MGAT4C: variants seen among roughly 807,000 people sequenced by gnomAD.
MGAT4C encodes alpha-1,3-mannosyl-glycoprotein 4-beta-N-acetylglucosaminyltransferase C.
In MGAT4C, 19 loss-of-function variants were observed where a neutral mutation model predicts 40.1. The ratio of observed to expected loss-of-function variants is 0.47; its 90% CI spans 0.33 to 0.70. The LOEUF (loss-of-function observed/expected upper bound fraction) is 0.70, where lower values mean the gene tolerates loss of function less well. Among genes scored for constraint, MGAT4C ranks in the 30% least tolerant of loss-of-function variants. MGAT4C has a pLI of 0.02. For missense variants in MGAT4C, 491 were observed against 563.2 expected (o/e 0.87, Z 1.30); for synonymous variants, 181 against 187.1 (o/e 0.97, Z 0.27).
chr12:86,566,630 A>G (rs1960135071), intron 2 of MGAT4C, among the ~76,000 whole-genome samples: 1 of 142,354 alleles, frequency 7.0e-6, no homozygotes, highest in South Asian at 2.2e-4. Flanking sequence ...GTATATATGT[A>G]TTATATATAC....
At chr12:86,494,594 A>G (rs1958204384) in intron 2 of MGAT4C, among the ~76,000 whole-genome samples, 1 of 151,872 alleles carries the variant, frequency 6.6e-6, no homozygotes, top group Non-Finnish European at 1.5e-5. Flanking sequence ...AAATGATGCA[A>G]GAAACCCCAC....
chr12:86,814,772 G>C (rs1952567929), intron 1 of MGAT4C, among the ~76,000 whole-genome samples: 1 of 151,852 alleles, frequency 6.6e-6, no homozygotes, highest in Non-Finnish European at 1.5e-5. Context: ...GCCCCAGAGA[G>C]CCACCTTACC....
At chr12:86,167,304 TC>T (rs1408607271) in intron 1 of MGAT4C, among the ~76,000 whole-genome samples, 1 of 152,232 alleles carries the variant, frequency 6.6e-6, no homozygotes, top group African/African-American at 2.4e-5. Flanking sequence ...AGAAATTATT[TC>T]TTCTTTTTCA....
At chr12:86,393,997 T>A (rs919488394) in intron 3 of MGAT4C, among the ~76,000 whole-genome samples, 2 of 152,184 alleles carry the variant, frequency 1.3e-5, no homozygotes, top group Admixed American at 1.3e-4. Flanking sequence ...AATGATTTTT[T>A]CTTCCTAGTA....
At chr12:86,683,323 T>C (rs990292422) in intron 2 of MGAT4C, among the ~76,000 whole-genome samples, 1 of 152,206 alleles carries the variant, frequency 6.6e-6, no homozygotes, top group Admixed American at 6.5e-5. Context: ...ATCTATCATC[T>C]ATTTACTTTT....
chr12:86,415,631 T>C (rs1956694533), intron 3 of MGAT4C, among the ~76,000 whole-genome samples: 1 of 152,018 alleles, frequency 6.6e-6, no homozygotes, highest in Non-Finnish European at 1.5e-5. Context: ...TATCCCAGTA[T>C]TTGAATTTTA....
At chr12:86,103,727 A>T (rs73175652) in intron 1 of MGAT4C, among the ~76,000 whole-genome samples, 12,223 of 152,132 alleles carry the variant, frequency 0.08, 504 homozygotes, top group Middle Eastern at 0.11. Flanking sequence ...AAGGGAGAGG[A>T]CATCTGACCC....
intron 1 of MGAT4C, among the ~76,000 whole-genome samples, chr12:86,163,814 T>C (rs1225212718): frequency 6.6e-6 from 1 of 152,190 alleles, no homozygotes; most frequent in African/African-American, 2.4e-5. Flanking sequence ...TTCCATAATT[T>C]TCATCTATCA....
intron 1 of MGAT4C, among the ~76,000 whole-genome samples, chr12:86,195,903 C>T (rs969868189): frequency 2.0e-5 from 3 of 152,110 alleles, no homozygotes; most frequent in Non-Finnish European, 2.9e-5. Flanking sequence ...TTTCCCCAGT[C>T]TGCCTGTTTC....
chr12:86,426,964 AAG>A (rs368757199), intron 3 of MGAT4C, among the ~76,000 whole-genome samples: 3 of 151,130 alleles, frequency 2.0e-5, no homozygotes, highest in South Asian at 2.1e-4. Flanking sequence ...GAAAAAGAAG[AAG>A]AGAGAGAGAG....
intron 2 of MGAT4C, among the ~76,000 whole-genome samples, chr12:86,017,436 A>G (rs1037479485): frequency 1.4e-4 from 22 of 152,210 alleles, no homozygotes; most frequent in African/African-American, 5.3e-4. Context: ...AAGGAACCAT[A>G]CATTTCTCTT....
At chr12:86,833,646 T>C (rs768851318) in intron 1 of MGAT4C, among the ~76,000 whole-genome samples, 33 of 151,938 alleles carry the variant, frequency 2.2e-4, no homozygotes, top group Non-Finnish European at 4.0e-4. Flanking sequence ...AATTCCCTCA[T>C]TAATGAACCC....
intron 2 of MGAT4C, among the ~76,000 whole-genome samples, chr12:86,030,852 T>A (rs1368662854): frequency 1.3e-5 from 2 of 151,798 alleles, no homozygotes; most frequent in Non-Finnish European, 2.9e-5. Context: ...AGTGACCGAT[T>A]TAATTTGTTA....
intron 1 of MGAT4C, among the ~76,000 whole-genome samples, chr12:86,808,077 CTAAGAA>C (rs1952397091): frequency 2.0e-5 from 3 of 151,928 alleles, no homozygotes; most frequent in Non-Finnish European, 4.4e-5. Context: ...CAAGGCTGAA[CTAAGAA>C]TAAGTTAAAG....
intron 1 of MGAT4C, among the ~76,000 whole-genome samples, chr12:86,813,327 CATG>C (rs1183381383): frequency 2.0e-5 from 3 of 152,006 alleles, no homozygotes; most frequent in Non-Finnish European, 4.4e-5. Flanking sequence ...ACTGACGTCA[CATG>C]ATATTACATA....
At chr12:86,190,374 G>T (rs1228186372) in intron 1 of MGAT4C, among the ~76,000 whole-genome samples, 1 of 152,002 alleles carries the variant, frequency 6.6e-6, no homozygotes, top group Non-Finnish European at 1.5e-5. Flanking sequence ...AATCAAATTG[G>T]CATAATTAAA....
At chr12:86,641,780 A>T (rs1344966138) in intron 2 of MGAT4C, among the ~76,000 whole-genome samples, 3 of 151,822 alleles carry the variant, frequency 2.0e-5, no homozygotes, top group Admixed American at 6.6e-5. Context: ...GCAAAAAAGG[A>T]GTATAATATA....
intron 1 of MGAT4C, among the ~76,000 whole-genome samples, chr12:86,805,924 G>C (rs1035921985): frequency 1.3e-5 from 2 of 151,758 alleles, no homozygotes; most frequent in Non-Finnish European, 2.9e-5. Context: ...ACTGGTATGA[G>C]ATGGTATCTC....
intron 2 of MGAT4C, among the ~76,000 whole-genome samples, chr12:86,493,803 T>G (rs1348400792): frequency 1.3e-5 from 2 of 151,760 alleles, no homozygotes; most frequent in Non-Finnish European, 2.9e-5. Context: ...ATAATAATAA[T>G]AAAATAAAAT....
Sources: gnomAD v4.1 joint callset for allele counts (sites outside exome capture counted in the v4.1 genomes callset) on GRCh38, gnomAD v4.1.1 for gene constraint, MANE v1.5 for transcripts, NCBI Gene and HGNC (gene_info 2026-07-23, HGNC 2026-07-21) for gene names.